Variants in SLC23A2 observed in about 807,000 individuals in gnomAD.
The protein encoded by SLC23A2 is solute carrier family 23 member 2.
Under a neutral mutation model 73.3 loss-of-function variants are expected in SLC23A2, and 36 were observed. The observed-to-expected ratio is 0.49, with a 90% CI of 0.38 to 0.65. SLC23A2 has a LOEUF of 0.65. SLC23A2 is among the 30% of genes least tolerant of loss of function. The pLI, the probability that SLC23A2 is intolerant of heterozygous loss-of-function variation, is 0.00. For missense variants in SLC23A2, 507 were observed against 841.6 expected, an observed-to-expected ratio of 0.60 and a Z score of 4.92; for synonymous variants, 343 against 327.3, an observed-to-expected ratio of 1.05 and a Z score of -0.52.
chr20:4,887,608 C>G (rs537896646), intron 6 of SLC23A2, among the ~76,000 whole-genome samples: 1 of 152,284 alleles, frequency 6.6e-6, no homozygotes, highest in African/African-American at 2.4e-5. Flanking sequence ...TCAGGGTGAG[C>G]ATTTGGTGGC....
At chr20:4,983,676 A>C (rs2087769240) in intron 1 of SLC23A2, among the ~76,000 whole-genome samples, 1 of 145,352 alleles carries the variant, frequency 6.9e-6, no homozygotes, top group African/African-American at 2.5e-5. Context: ...AGACACAAGC[A>C]AGGCCAGGTT....
chr20:4,867,598 G>A (rs1417287951), intron 13 of SLC23A2, among the ~76,000 whole-genome samples, 172 bp downstream of exon 13: 1 of 128,068 alleles, frequency 7.8e-6, no homozygotes, highest in Non-Finnish European at 1.6e-5. Context: ...AGAGAAGAGA[G>A]ACTTCCAAAC....
upstream of SLC23A2, among the ~76,000 whole-genome samples, chr20:5,004,180 A>G (rs1326199534): frequency 6.6e-6 from 1 of 152,134 alleles, no homozygotes; most frequent in Non-Finnish European, 1.5e-5. Flanking sequence ...CCTGCCCTGA[A>G]TATTCTCCAG....
chr20:4,944,181 T>C (rs540857032), intron 2 of SLC23A2, among the ~76,000 whole-genome samples: 3 of 152,350 alleles, frequency 2.0e-5, no homozygotes, highest in Non-Finnish European at 2.9e-5. Flanking sequence ...ATTTTAAAAA[T>C]GTCCCCTCCT....
At chr20:4,932,153 C>T (rs1042059265) in intron 3 of SLC23A2, among the ~76,000 whole-genome samples, 2 of 152,288 alleles carry the variant, frequency 1.3e-5, no homozygotes, top group Admixed American at 1.3e-4. Flanking sequence ...TAAGAGTACA[C>T]CTTTTGAAGA....
At chr20:4,900,980 C>T (rs1219471306) in intron 5 of SLC23A2, among the ~76,000 whole-genome samples, 1 of 152,188 alleles carries the variant, frequency 6.6e-6, no homozygotes, top group African/African-American at 2.4e-5. Context: ...CTCAGGGCTG[C>T]TCACAACTTT....
chr20:4,871,222 G>A (rs149815605), intron 11 of SLC23A2, among the ~76,000 whole-genome samples: 8 of 152,284 alleles, frequency 5.3e-5, no homozygotes, highest in African/African-American at 9.6e-5. Flanking sequence ...AGCCAACAAC[G>A]TAGCTGGGGA....
chr20:4,950,234 T>C (rs2087178912), intron 2 of SLC23A2, among the ~76,000 whole-genome samples: 2 of 152,228 alleles, frequency 1.3e-5, no homozygotes. Context: ...CCTATCTTTG[T>C]AAACCCTTCA....
At position 4,968,565 on chromosome 20, in the gene SLC23A2, T is replaced by C. The variant is rs74733627; in HGVS notation, c.-155+2228A>G. Among the ~76,000 whole-genome samples the C allele has an allele frequency of 6.4e-3, 969 of 151,978 alleles. 27 individuals are homozygous for C. The East Asian group carries it at 0.081, about 13-fold the overall frequency. On this transcript the variant is annotated intron_variant, in intron 2 of 16. Transcript: ENST00000338244. The stretch of plus-strand genomic sequence containing the variant: ...ACCTTGGCAACTGCAATGGTGAAAA[T>C]GCCAATGAGAAAAATGGATGAACTA...
At chr20:4,968,741 C>G (rs1455295212) in intron 2 of SLC23A2, among the ~76,000 whole-genome samples, 2 of 142,174 alleles carry the variant, frequency 1.4e-5, no homozygotes, top group African/African-American at 5.2e-5. Context: ...TTTTTTGAGA[C>G]GACGTCTGTC....
At position 4,856,936 on chromosome 20, in the gene SLC23A2, GC is replaced by G. The variant is rs770137235; in HGVS notation, c.*35del. The G allele has an allele frequency of 1.5e-6, 2 of 1,314,982 alleles. No individual in the cohort carries two copies. Among genetic ancestry groups the G allele is most frequent in the East Asian group, 4.6e-5 (2 of 43,500 alleles). 81.5% of individuals were successfully genotyped at this position (1,314,982 alleles called of 1,614,324 possible). A position where few individuals can be genotyped will look rare whatever the true frequency, so the allele number is the denominator to read the frequency against. ...ACTCAGCAAGGAACTACAGATACAT[GC>G]CTCACTGCGGCCAGGCCACAGGGCA... is the stretch of plus-strand genomic sequence containing the variant. On this transcript the variant is annotated 3_prime_UTR_variant, in exon 17 of 17. Coordinates refer to ENST00000338244, the MANE Select transcript of SLC23A2 (RefSeq NM_005116.6). This position sits in a 1 kb window ranked among gnomAD's most constrained non-coding sequence, Gnocchi z 4.6.
rs1930485316 is a variant in SLC23A2 at position 4,872,422 on chromosome 20, G to A, written c.1102+1514C>T. Among the ~76,000 whole-genome samples, 4 of 152,142 alleles carry A rather than the reference G, an allele frequency of 2.6e-5. No homozygotes were observed. The highest frequency in any genetic ancestry group is 1.9e-4 in the East Asian group (1 of 5,194). ...TCTGTCTACTAAGTTTCGCCTTCTC[G>A]TGTGTGGCCCCATGGGTCCTAGTGA... is the stretch of plus-strand genomic sequence containing the variant. On this transcript the variant is annotated intron_variant, in intron 11 of 16. Coordinates refer to ENST00000338244, the MANE Select transcript of SLC23A2 (RefSeq NM_005116.6). The surrounding 1 kb of genome is among the most constrained non-coding windows in gnomAD (Gnocchi z 4.4).
chr20:4,869,926 G>A lies in SLC23A2; in HGVS notation c.1230C>T (p.Pro410=), dbSNP rs147047403. The change falls in exon 12 of 17, where the codon CCC becomes CCT. Residue 410 remains proline, a synonymous_variant. Coordinates refer to ENST00000338244, the MANE Select transcript of SLC23A2 (RefSeq NM_005116.6). ...CGTACCTGTTTATTGCGTGGATGGG[G>A]GGGGGTGGGGCACAGGACAGCCGTG... The part of the protein sequence containing the change: ...ACARLSCAPP[P]PIHAINRGIF... The A allele has an allele frequency of 3.1e-6, 5 of 1,607,082 alleles. No individual in the cohort carries two copies. Among genetic ancestry groups the A allele is most frequent in the Admixed American group, 1.7e-5 (1 of 59,908 alleles).
Position 4,863,044 on chromosome 20 carries a change from C to A in SLC23A2, c.1357-137G>T. 1.2e-6 allele frequency: 1 copy of A among 811,224 alleles called. No individual in the cohort carries two copies. The highest frequency in any genetic ancestry group is 2.8e-5 in the East Asian group (1 of 36,074). 50.3% of individuals were successfully genotyped at this position (811,224 alleles called of 1,614,324 possible). ...CCTCCTCCTCAGCCCACTCTTCTCACCTCCACTGTGGGGACCCTGAGGGCC... is the reference window on the plus strand; with the variant it reads ...CCTCCTCCTCAGCCCACTCTTCTCAACTCCACTGTGGGGACCCTGAGGGCC... On this transcript the variant is annotated intron_variant, in intron 13 of 16. Coordinates refer to ENST00000338244, the MANE Select transcript of SLC23A2 (RefSeq NM_005116.6). The surrounding 1 kb of genome is among the most constrained non-coding windows in gnomAD (Gnocchi z 4.8).
chr20:4,885,946 C>T (rs533640940), intron 6 of SLC23A2, 37 bp from the exon 7 acceptor site: 61 of 1,384,860 alleles, frequency 4.4e-5, no homozygotes, highest in Admixed American at 2.1e-4. Context: ...ATCACGGCAT[C>T]GGGAACTACC....
intron 1 of SLC23A2, among the ~76,000 whole-genome samples, chr20:4,979,955 A>G (rs2087700732): frequency 6.6e-6 from 1 of 151,856 alleles, no homozygotes; most frequent in Admixed American, 6.6e-5. Flanking sequence ...GGAAAGAGAG[A>G]CAGATACAAG....
chr20:4,936,300 G>A (rs749062955), intron 2 of SLC23A2, among the ~76,000 whole-genome samples: 25 of 152,130 alleles, frequency 1.6e-4, no homozygotes, highest in Non-Finnish European at 3.1e-4. Context: ...AAAATAAAAC[G>A]GGCAAATAGG....
chr20:4,987,996 T>C (rs1275731975), intron 1 of SLC23A2, among the ~76,000 whole-genome samples: 1 of 139,412 alleles, frequency 7.2e-6, no homozygotes, highest in South Asian at 2.3e-4. Flanking sequence ...CACGATGCAT[T>C]AAAAAAAAAA....
chr20:4,948,626 G>C (rs1010144518), intron 2 of SLC23A2, among the ~76,000 whole-genome samples: 1 of 152,198 alleles, frequency 6.6e-6, no homozygotes, highest in Non-Finnish European at 1.5e-5. Context: ...CACCACATAC[G>C]TGGTGATCAA....
Sources: gnomAD v4.1 joint callset for allele counts (sites outside exome capture counted in the v4.1 genomes callset) on GRCh38, gnomAD v4.1.1 for gene constraint, Gnocchi (gnomAD v3.1) non-coding constraint, MANE v1.5 for transcripts, NCBI Gene and HGNC (gene_info 2026-07-23, HGNC 2026-07-21) for gene names.